Variants in DENND1A observed in about 807,000 individuals in gnomAD.
DENND1A encodes the protein DENN domain-containing protein 1A.
In DENND1A, 51 loss-of-function variants were observed where a neutral mutation model predicts 113.7. The ratio of observed to expected loss-of-function variants is 0.45; its 90% CI spans 0.36 to 0.57. The LOEUF (loss-of-function observed/expected upper bound fraction) is 0.57. Among genes scored for constraint, DENND1A ranks in the 20% least tolerant of loss-of-function variants. DENND1A has a pLI of 0.00. For missense variants in DENND1A, 1,258 were observed against 1,395.9 expected, an observed-to-expected ratio of 0.90 and a Z score of 1.57; for synonymous variants, 565 against 570.8, an observed-to-expected ratio of 0.99 and a Z score of 0.14.
intron 2 of DENND1A, among the ~76,000 whole-genome samples, chr9:123,868,457 G>A (rs1564416390): frequency 6.6e-6 from 1 of 152,152 alleles, no homozygotes. Context: ...AACTTTCCAT[G>A]TCCCATGCAT....
chr9:123,813,163 A>G (rs1351052607), intron 2 of DENND1A, among the ~76,000 whole-genome samples: 1 of 152,046 alleles, frequency 6.6e-6, no homozygotes, highest in Admixed American at 6.6e-5. Context: ...GGATCTCACT[A>G]TGTTGTCCAG....
At chr9:123,559,488 A>C (rs2057615072) in intron 12 of DENND1A, among the ~76,000 whole-genome samples, 1 of 152,168 alleles carries the variant, frequency 6.6e-6, no homozygotes, top group African/African-American at 2.4e-5. Flanking sequence ...TTCTGGGCGC[A>C]GGATCCACAG....
chr9:123,633,699 C>G (rs747024755), intron 9 of DENND1A, among the ~76,000 whole-genome samples: 2 of 152,108 alleles, frequency 1.3e-5, no homozygotes, highest in African/African-American at 2.4e-5. Context: ...TTGCTTGAAC[C>G]CAGGAGGCAG....
intron 10 of DENND1A, among the ~76,000 whole-genome samples, chr9:123,625,615 G>A (rs1402652052): frequency 6.6e-6 from 1 of 152,158 alleles, no homozygotes; most frequent in Non-Finnish European, 1.5e-5. Context: ...ATGGTGGTAT[G>A]CACCTGTGAT....
intron 5 of DENND1A, among the ~76,000 whole-genome samples, chr9:123,684,098 ACACAAGTAAAC>A (rs1456349795): frequency 1.4e-5 from 2 of 141,492 alleles, no homozygotes; most frequent in African/African-American, 6.4e-5. Context: ...CATCTCCTCA[ACACAAGTAAAC>A]CCCACCATCT....
At chr9:123,563,897 CT>C (rs1226710060) in intron 12 of DENND1A, among the ~76,000 whole-genome samples, 1 of 152,178 alleles carries the variant, frequency 6.6e-6, no homozygotes, top group Non-Finnish European at 1.5e-5. Flanking sequence ...CTCTAACAAA[CT>C]TTTTATTAAA....
Position 123,927,426 on chromosome 9 carries a change from T to C in DENND1A, c.17+2463A>G, listed in dbSNP as rs150026419. 2.7e-3 allele frequency among the ~76,000 whole-genome samples: 412 copies of C among 152,328 alleles called. 1 individual carries two copies. Among genetic ancestry groups the C allele is most frequent in the Middle Eastern group, 0.01 (3 of 294 alleles). ...ATACCTTTCTCTGACATTTCTAATA[T>C]ACAGTAATGTTCTTAGTCTTTTGAT... On this transcript the variant is annotated intron_variant, in intron 1 of 23. Coordinates refer to ENST00000394215, the MANE Select transcript of DENND1A (RefSeq NM_001352964.2).
intron 2 of DENND1A, among the ~76,000 whole-genome samples, chr9:123,829,930 A>T (rs1839935184): frequency 6.6e-6 from 1 of 152,208 alleles, no homozygotes; most frequent in South Asian, 2.1e-4. Context: ...CCTCATTTAA[A>T]CATTGATGTG....
chr9:123,846,006 C>T (rs1842563201), intron 2 of DENND1A, among the ~76,000 whole-genome samples: 1 of 152,070 alleles, frequency 6.6e-6, no homozygotes, highest in African/African-American at 2.4e-5. Flanking sequence ...ATATAAAGGA[C>T]CCTTATAACC....
At chr9:123,870,539 C>T (rs140794404) in intron 2 of DENND1A, among the ~76,000 whole-genome samples, 2,744 of 151,300 alleles carry the variant, frequency 0.018, 87 homozygotes, top group African/African-American at 0.064. Flanking sequence ...CAGGTTCAAG[C>T]GATTCTCCTG....
At chr9:123,607,547 AGTGTGTGT>A (rs555605927) in intron 11 of DENND1A, among the ~76,000 whole-genome samples, 2 of 68,000 alleles carry the variant, frequency 2.9e-5, no homozygotes, top group East Asian at 4.9e-4. Context: ...AGAGAGAGAG[AGTGTGTGT>A]GTGTGTGTGT....
At chr9:123,498,198 C>G (rs969977316) in intron 13 of DENND1A, among the ~76,000 whole-genome samples, 42 of 152,238 alleles carry the variant, frequency 2.8e-4, no homozygotes, top group Non-Finnish European at 1.8e-4. Context: ...TGGAGGAACA[C>G]TTCACATTTA....
At chr9:123,535,844 G>C (rs2055720280) in intron 13 of DENND1A, among the ~76,000 whole-genome samples, 1 of 152,046 alleles carries the variant, frequency 6.6e-6, no homozygotes, top group Non-Finnish European at 1.5e-5. Context: ...TTTATTCTCT[G>C]TCTTCCTCCA....
rs1162247557 is a variant in DENND1A, at chr9:123,379,907, TGCCCAGGAGGTGCCCCCATG to T, written c.*1505_*1524del. On this transcript the variant is annotated 3_prime_UTR_variant, in exon 24 of 24. Transcript: ENST00000394215. The stretch of plus-strand genomic sequence containing the variant: ...TGGAATCTATGCTGAAACACCTAAG[TGCCCAGGAGGTGCCCCCATG>T]GCCCAGGAGTGACACGGCTCCCCCA... 6.6e-6 allele frequency: 1 copy of T among 152,182 alleles called. No homozygotes were observed. The allele number at this position is 152,182 out of a possible 1,614,324, so 9.4% of individuals were successfully genotyped here. A position where few individuals can be genotyped will look rare whatever the true frequency, so the allele number is the denominator to read the frequency against.
At chr9:123,827,705 G>C (rs1839573279) in intron 2 of DENND1A, among the ~76,000 whole-genome samples, 1 of 151,546 alleles carries the variant, frequency 6.6e-6, no homozygotes, top group Non-Finnish European at 1.5e-5. Flanking sequence ...GAATAGAAGA[G>C]GTCCCAGTAA....
intron 19 of DENND1A, 58 bp downstream of exon 19, chr9:123,440,302 C>CTA: frequency 6.5e-7 from 1 of 1,541,428 alleles, no homozygotes; most frequent in Non-Finnish European, 8.7e-7. Flanking sequence ...GCTACTGCTG[C>CTA]TAAAAACAAA....
chr9:123,450,807 C>T, intron 17 of DENND1A, 58 bp from the exon 18 acceptor site: 1 of 1,435,334 alleles, frequency 7.0e-7, no homozygotes. Context: ...AGGGACTATG[C>T]TTGATTTCAG....
chr9:123,561,419 T>C (rs753468432), intron 12 of DENND1A, among the ~76,000 whole-genome samples: 64 of 152,210 alleles, frequency 4.2e-4, no homozygotes, highest in Admixed American at 1.0e-3. Flanking sequence ...GAAGACCTCT[T>C]GTCACCCTGA....
Position 123,689,168 on chromosome 9 carries a change from G to A in DENND1A, c.303-12379C>T, listed in dbSNP as rs539720677. ...GCCTCCCAAGTAGCTGGGATTACAG[G>A]TGCATGCCACCATGCCCGGCTAAAT... On this transcript the variant is annotated intron_variant, in intron 5 of 23. Transcript: ENST00000394215. Among the ~76,000 whole-genome samples the A allele has an allele frequency of 2.6e-5, 4 of 152,208 alleles. No homozygotes were observed. In the East Asian group the frequency reaches 7.7e-4, roughly 29 times the overall value.
Sources: allele counts gnomAD v4.1 joint callset (sites outside exome capture counted in the v4.1 genomes callset), GRCh38; gene constraint gnomAD v4.1.1; transcripts MANE v1.5; gene names NCBI Gene and HGNC (gene_info 2026-07-23, HGNC 2026-07-21).